Variants in EFCAB6 observed in about 807,000 individuals in gnomAD.
EFCAB6 encodes EF-hand calcium-binding domain-containing protein 6.
Under a neutral mutation model 169.8 loss-of-function variants are expected in EFCAB6, and 156 were observed. That is an observed-to-expected ratio of 0.92 (90% CI 0.81 to 1.05). The LOEUF (loss-of-function observed/expected upper bound fraction) is 1.05. Among genes scored for constraint, EFCAB6 ranks in the 50% least tolerant of loss-of-function variants. EFCAB6 has a pLI of 0.00. For missense variants in EFCAB6, 1,800 were observed against 1,829.1 expected (o/e 0.98, Z 0.29); for synonymous variants, 698 against 676.4 (o/e 1.03, Z -0.50).
intron 7 of EFCAB6, among the ~76,000 whole-genome samples, chr22:43,732,946 T>G (rs1271541081): frequency 6.6e-6 from 1 of 152,240 alleles, no homozygotes; most frequent in Non-Finnish European, 1.5e-5. Context: ...TGTTGATTTC[T>G]ATAATTATCT....
chr22:43,740,590 G>A (rs1373431316), intron 6 of EFCAB6, among the ~76,000 whole-genome samples: 7 of 152,310 alleles, frequency 4.6e-5, no homozygotes, highest in Non-Finnish European at 8.8e-5. Flanking sequence ...TATGTGCAGA[G>A]CCCCATGCTT....
chr22:43,594,065 C>T (rs1289206525), intron 23 of EFCAB6, among the ~76,000 whole-genome samples: 1 of 152,096 alleles, frequency 6.6e-6, no homozygotes, highest in Non-Finnish European at 1.5e-5. Flanking sequence ...CACCTGAGGT[C>T]GGGAGTTTGA....
Position 43,676,734 on chromosome 22 carries a change from C to T in EFCAB6, c.1419+1262G>A, listed in dbSNP as rs192397042. ...GGAGGTAATTTAAATATGACACTTT[C>T]GCTCCAATAAACTGTCCCATTTTAA... On this transcript the variant is annotated intron_variant, in intron 13 of 31. Transcript: ENST00000262726. Among the ~76,000 whole-genome samples the T allele has an allele frequency of 6.6e-5, 10 of 152,146 alleles. 1 individual carries two copies. Among genetic ancestry groups the T allele is most frequent in the African/African-American group, 1.7e-4 (7 of 41,402 alleles).
At position 43,547,839 on chromosome 22, in the gene EFCAB6, C is replaced by A. The variant is rs374771708; in HGVS notation, c.3648+7030G>T. On this transcript the variant is annotated intron_variant, in intron 27 of 31. Coordinates refer to ENST00000262726, the MANE Select transcript of EFCAB6 (RefSeq NM_022785.4). ...GGGCGTGGTGGCTCACGCCTGTAAT[C>A]CCAGCACTTTGGGAGGCCGAGGCGG... Among the ~76,000 whole-genome samples, 26 of 152,122 alleles carry A rather than the reference C, an allele frequency of 1.7e-4. No individual in the cohort carries two copies. The East Asian group carries it at 4.6e-3, about 27-fold the overall frequency.
At chr22:43,781,237 C>A (rs1410084803) in intron 3 of EFCAB6, among the ~76,000 whole-genome samples, 1 of 152,210 alleles carries the variant, frequency 6.6e-6, no homozygotes, top group African/African-American at 2.4e-5. Context: ...GAGTTGAAAA[C>A]CTATGTCCAC....
chr22:43,577,071 C>T (rs879730010), intron 25 of EFCAB6, among the ~76,000 whole-genome samples: 2 of 152,174 alleles, frequency 1.3e-5, no homozygotes, highest in Non-Finnish European at 1.5e-5. Context: ...TCCTGAGTCT[C>T]GGCCAGAGCC....
intron 8 of EFCAB6, among the ~76,000 whole-genome samples, chr22:43,726,070 G>A (rs1442229544): frequency 1.3e-5 from 2 of 152,042 alleles, no homozygotes; most frequent in Non-Finnish European, 2.9e-5. Context: ...TGGATATATA[G>A]CTTACATTGG....
chr22:43,653,296 G>A (rs999760575), intron 17 of EFCAB6, among the ~76,000 whole-genome samples: 1 of 152,078 alleles, frequency 6.6e-6, no homozygotes, highest in Non-Finnish European at 1.5e-5. Context: ...GAAATCCAAA[G>A]ACAGAGGAAA....
chr22:43,666,695 T>TG (rs1294780893), intron 17 of EFCAB6, among the ~76,000 whole-genome samples: 34 of 132,100 alleles, frequency 2.6e-4, no homozygotes, highest in South Asian at 1.5e-3. Flanking sequence ...CAGATTGTTT[T>TG]TTTTTTTTTT....
intron 27 of EFCAB6, among the ~76,000 whole-genome samples, chr22:43,545,525 A>T (rs561387564): frequency 6.6e-6 from 1 of 152,356 alleles, no homozygotes; most frequent in East Asian, 1.9e-4. Flanking sequence ...GTGAACAAAA[A>T]CCTGAAAGCC....
Position 43,711,413 on chromosome 22 carries a change from T to A in EFCAB6, c.1031+62A>T, listed in dbSNP as rs541973178. On this transcript the variant is annotated intron_variant, in intron 10 of 31. Coordinates refer to ENST00000262726, the MANE Select transcript of EFCAB6 (RefSeq NM_022785.4). ...CATTAATAAAAAATAAACGAAGCTG[T>A]GCCTTATTCTTACGGTTGACGTTTG... 3.2e-5 allele frequency: 47 copies of A among 1,449,308 alleles called. No homozygotes were observed. In the African/African-American group the frequency reaches 5.9e-4, roughly 18 times the overall value. 89.8% of individuals were successfully genotyped at this position (1,449,308 alleles called of 1,614,324 possible).
intron 27 of EFCAB6, chr22:43,554,334 T>C (rs2048566026): frequency 6.3e-6 from 1 of 158,364 alleles, no homozygotes; most frequent in Admixed American, 6.1e-5. Context: ...TTTCCAGTAC[T>C]GCACAAAGCC....
chr22:43,765,951 G>T (rs2061313983), intron 4 of EFCAB6, among the ~76,000 whole-genome samples: 1 of 152,192 alleles, frequency 6.6e-6, no homozygotes, highest in Non-Finnish European at 1.5e-5. Context: ...TTATGTAAAA[G>T]AATAGCTCTT....
At chr22:43,735,339 C>T (rs1482174848) in intron 7 of EFCAB6, among the ~76,000 whole-genome samples, 3 of 148,924 alleles carry the variant, frequency 2.0e-5, no homozygotes, top group Non-Finnish European at 3.0e-5. Flanking sequence ...CCGCACACCC[C>T]ACCCTCCTGC....
At chr22:43,621,124 T>TGTCACCCA (rs2054088473) in intron 20 of EFCAB6, among the ~76,000 whole-genome samples, 1 of 151,660 alleles carries the variant, frequency 6.6e-6, no homozygotes, top group South Asian at 2.1e-4. Context: ...AGTCTCACTC[T>TGTCACCCA]GTCACCCAGG....
intron 3 of EFCAB6, among the ~76,000 whole-genome samples, chr22:43,774,339 G>T (rs2061569974): frequency 6.6e-6 from 1 of 150,612 alleles, no homozygotes; most frequent in African/African-American, 2.4e-5. Context: ...TGCTTGAGGG[G>T]ATACAAGAGA....
chr22:43,653,051 C>T lies in EFCAB6; in HGVS notation c.1983+14053G>A, dbSNP rs144647789. Among the ~76,000 whole-genome samples the T allele has an allele frequency of 4.2e-3, 641 of 152,130 alleles. 3 individuals carry two copies. The highest frequency in any genetic ancestry group is 0.017 in the Middle Eastern group (5 of 294). ...TCAATAGGAAATACTGGGGCTGAAGCGCTGAAAGCAAAAAGATAGAAACTA... is the reference window on the plus strand; with the variant it reads ...TCAATAGGAAATACTGGGGCTGAAGTGCTGAAAGCAAAAAGATAGAAACTA... On this transcript the variant is annotated intron_variant, in intron 17 of 31. Coordinates refer to ENST00000262726, the MANE Select transcript of EFCAB6 (RefSeq NM_022785.4).
In EFCAB6 at chr22:43,626,474, G is replaced by A; in HGVS notation, c.2438C>T (p.Thr813Ile). The A allele has an allele frequency of 6.2e-7, 1 of 1,614,158 alleles. No homozygotes were observed. Among genetic ancestry groups the A allele is most frequent in the Non-Finnish European group, 8.5e-7 (1 of 1,180,016 alleles). The change falls in exon 20 of 32, where the codon ACA (threonine) becomes ATA (isoleucine). Residue 813 changes from threonine (T) to isoleucine (I), a missense_variant. Thr to Ile is a moderately conservative substitution (Grantham distance 89). Transcript: ENST00000262726. ...QNLCEKRPWRTDEAPQRLIRP... is the reference protein window; with the variant it reads ...QNLCEKRPWRIDEAPQRLIRP... Reference sequence around the variant, plus strand: ...AATGAGTCTTTGAGGCGCTTCATCTGTTCTCCATGGTCTCTTCTCACACAA... The same window carrying A: ...AATGAGTCTTTGAGGCGCTTCATCTATTCTCCATGGTCTCTTCTCACACAA...
intron 22 of EFCAB6, among the ~76,000 whole-genome samples, chr22:43,604,051 G>A (rs1347800999): frequency 6.6e-6 from 1 of 152,090 alleles, no homozygotes; most frequent in East Asian, 1.9e-4. Context: ...CACAAGAAGC[G>A]CTGGCTCCCT....
Sources: gnomAD v4.1 joint callset for allele counts (sites outside exome capture counted in the v4.1 genomes callset) on GRCh38, gnomAD v4.1.1 for gene constraint, MANE v1.5 for transcripts, NCBI Gene and HGNC (gene_info 2026-07-23, HGNC 2026-07-21) for gene names.